Variants in LMBRD2 observed in about 807,000 individuals in gnomAD.
LMBRD2 encodes LMBR1 domain containing 2.
Under a neutral mutation model 94.4 loss-of-function variants are expected in LMBRD2, and 55 were observed. The ratio of observed to expected loss-of-function variants is 0.58; its 90% CI spans 0.47 to 0.73. The LOEUF (loss-of-function observed/expected upper bound fraction) is 0.73. Among genes scored for constraint, LMBRD2 ranks in the 30% least tolerant of loss-of-function variants. LMBRD2 has a pLI of 0.00. For synonymous variants in LMBRD2, 246 were observed against 272.4 expected, an observed-to-expected ratio of 0.90 and a Z score of 0.95; for missense variants, 640 against 831.9, an observed-to-expected ratio of 0.77 and a Z score of 2.84.
intron 16 of LMBRD2, among the ~76,000 whole-genome samples, chr5:36,106,701 C>T (rs969796649): frequency 6.6e-6 from 1 of 151,356 alleles, no homozygotes; most frequent in Non-Finnish European, 1.5e-5. Flanking sequence ...GTAGAGATGG[C>T]GTTTCACCAT....
At chr5:36,146,557 T>G (rs958785741) in intron 1 of LMBRD2, among the ~76,000 whole-genome samples, 2 of 152,062 alleles carry the variant, frequency 1.3e-5, no homozygotes, top group Non-Finnish European at 2.9e-5. Context: ...AAATTTTTTT[T>G]GTAGAGACAG....
chr5:36,135,508 G>A (rs915828610), intron 6 of LMBRD2, among the ~76,000 whole-genome samples: 13 of 152,098 alleles, frequency 8.5e-5, no homozygotes, highest in African/African-American at 3.1e-4. Flanking sequence ...TAGAGGCTTG[G>A]GATACAGCTG....
In LMBRD2 at chr5:36,122,847, C is replaced by G; in HGVS notation, c.936+1G>C. 1 of 1,590,270 alleles carries G rather than the reference C, an allele frequency of 6.3e-7. No homozygotes were observed. The highest frequency in any genetic ancestry group is 8.5e-7 in the Non-Finnish European group (1 of 1,172,912). On this transcript the variant is annotated splice_donor_variant, in intron 8 of 17. Coordinates refer to ENST00000296603, the MANE Select transcript of LMBRD2 (RefSeq NM_001007527.2). LOFTEE classifies it high-confidence loss of function. ...AAAATACTTATAATTAACAAAGTTA[C>G]CTGTTTATGCAGTTTTACCAGACTT...
At chr5:36,127,135 G>T (rs1208888417) in intron 6 of LMBRD2, among the ~76,000 whole-genome samples, 1 of 152,210 alleles carries the variant, frequency 6.6e-6, no homozygotes. Flanking sequence ...AGTAGAATAG[G>T]AATTTCTATT....
chr5:36,115,580 A>C (rs1402319937), intron 11 of LMBRD2, among the ~76,000 whole-genome samples: 1 of 152,200 alleles, frequency 6.6e-6, no homozygotes, highest in Non-Finnish European at 1.5e-5. Flanking sequence ...AATGCCTTAC[A>C]AACCCACACA....
At chr5:36,145,203 A>T (rs1458390226) in intron 1 of LMBRD2, among the ~76,000 whole-genome samples, 1 of 152,244 alleles carries the variant, frequency 6.6e-6, no homozygotes, top group Admixed American at 6.5e-5. Context: ...AATACTGTGT[A>T]GTTTAGTACA....
intron 6 of LMBRD2, among the ~76,000 whole-genome samples, chr5:36,126,998 C>G (rs989495847): frequency 6.6e-6 from 1 of 152,210 alleles, no homozygotes; most frequent in African/African-American, 2.4e-5. Context: ...AAGGCCCAGG[C>G]CATACTTCAT....
intron 9 of LMBRD2, among the ~76,000 whole-genome samples, chr5:36,120,061 T>C (rs914812027): frequency 6.9e-6 from 1 of 144,578 alleles, no homozygotes; most frequent in African/African-American, 2.6e-5. Flanking sequence ...CTCTCTCTCT[T>C]TATTTCTTTT....
In LMBRD2 at chr5:36,106,965, C is replaced by G. The variant is rs193052568; in HGVS notation, c.1897+1569G>C. Among the ~76,000 whole-genome samples the G allele has an allele frequency of 2.9e-3, 444 of 152,218 alleles. 2 individuals carry two copies. The highest frequency in any genetic ancestry group is 6.8e-3 in the Middle Eastern group (2 of 294). ...TAGTCTCCCTTCTAATTAAAATACC[C>G]TTCACCTGGCTAGGTACTATTCCTT... On this transcript the variant is annotated intron_variant, in intron 16 of 17. Coordinates refer to ENST00000296603, the MANE Select transcript of LMBRD2 (RefSeq NM_001007527.2).
intron 6 of LMBRD2, among the ~76,000 whole-genome samples, chr5:36,134,835 G>C (rs1413576490): frequency 6.6e-6 from 1 of 152,120 alleles, no homozygotes; most frequent in Non-Finnish European, 1.5e-5. Flanking sequence ...CTTCCCTGAA[G>C]AATTATCATT....
rs1743304206 is a variant in LMBRD2 at position 36,099,472 on chromosome 5, C to T, written c.*4574G>A. On this transcript the variant is annotated 3_prime_UTR_variant, in exon 18 of 18. Coordinates refer to ENST00000296603, the MANE Select transcript of LMBRD2 (RefSeq NM_001007527.2). ...TTTAAAAAATATATACACAGTCTCTCCCCTACAACTTGGTATGCTAAGTAC... is the reference window on the plus strand; with the variant it reads ...TTTAAAAAATATATACACAGTCTCTTCCCTACAACTTGGTATGCTAAGTAC... 1 of 152,104 alleles carries T rather than the reference C, an allele frequency of 6.6e-6. No individual in the cohort carries two copies. Among genetic ancestry groups the T allele is most frequent in the Non-Finnish European group, 1.5e-5 (1 of 67,992 alleles). The allele number at this position is 152,104 out of a possible 1,614,324, so 9.4% of individuals were successfully genotyped here.
chr5:36,133,178 A>G (rs1744193337), intron 6 of LMBRD2, among the ~76,000 whole-genome samples: 1 of 152,176 alleles, frequency 6.6e-6, no homozygotes, highest in African/African-American at 2.4e-5. Context: ...GAATGGATAA[A>G]GAAAATGTGG....
At position 36,110,043 on chromosome 5, in the gene LMBRD2, A is replaced by C. The variant is rs375264384; in HGVS notation, c.1745-52T>G. ...ATGGCATAACATGGTTTAATCAGAC[A>C]TAGTGCAACTGAAGTAAAGATAGCG... On this transcript the variant is annotated intron_variant, in intron 14 of 17. Transcript: ENST00000296603. The C allele has an allele frequency of 2.2e-4, 294 of 1,337,604 alleles. No individual in the cohort carries two copies. The African/African-American group carries it at 3.9e-3, about 18-fold the overall frequency. 82.9% of individuals were successfully genotyped at this position (1,337,604 alleles called of 1,614,324 possible).
intron 8 of LMBRD2, 89 bp downstream of exon 8, chr5:36,122,759 T>G (rs1743916725): frequency 7.0e-6 from 10 of 1,432,526 alleles, no homozygotes; most frequent in Admixed American, 2.8e-5. Context: ...TAAATACACA[T>G]TCACTAAAAA....
Position 36,117,790 on chromosome 5 carries a change from A to G in LMBRD2, c.1247T>C (p.Leu416Pro), listed in dbSNP as rs776764769. 1 of 1,613,700 alleles carries G rather than the reference A, an allele frequency of 6.2e-7. No individual in the cohort carries two copies. The highest frequency in any genetic ancestry group is 1.7e-5 in the Admixed American group (1 of 59,946). Residue 416 changes from leucine (L) to proline (P), a missense_variant, in exon 10 of 18, where the codon CTC becomes CCC. Transcript: ENST00000296603. ...TGCCAGCTGTATGAAGACCGCAAAG[A>G]GGGATAAGACAGGAGTAGTGCTAAA... ...TFFSTTPVLS[L>P]FAVFIQLAEK...
chr5:36,109,102 A>G (rs931808940), intron 15 of LMBRD2, among the ~76,000 whole-genome samples: 9 of 152,160 alleles, frequency 5.9e-5, no homozygotes, highest in African/African-American at 2.2e-4. Flanking sequence ...ATGCAGTCAA[A>G]CCATATTAAC....
rs963140042 is a variant in LMBRD2 at position 36,098,508 on chromosome 5, C to T, written c.*5538G>A. The T allele has an allele frequency of 1.3e-5, 2 of 151,854 alleles. No homozygotes were observed. The highest frequency in any genetic ancestry group is 2.4e-5 in the African/African-American group (1 of 41,376). 9.4% of individuals were successfully genotyped at this position (151,854 alleles called of 1,614,324 possible). A position where few individuals can be genotyped will look rare whatever the true frequency, so the allele number is the denominator to read the frequency against. ...AACGCCTGAATCTACTTAAAAGAAC[C>T]TTAATCTCAAATGAAGTAAAATATA... On this transcript the variant is annotated 3_prime_UTR_variant, in exon 18 of 18. Transcript: ENST00000296603.
rs377639364 is a variant in LMBRD2, at chr5:36,122,889, T to A, written c.895A>T (p.Ile299Phe). The A allele has an allele frequency of 1.9e-6, 3 of 1,591,824 alleles. No homozygotes were observed. In the South Asian group the frequency reaches 3.5e-5, roughly 18 times the overall value. The change falls in exon 8 of 18, where the codon ATC (isoleucine) becomes TTC (phenylalanine). Residue 299 changes from isoleucine (I) to phenylalanine (F), a missense_variant. This residue lies in a region of LMBRD2 where 457 missense variants were observed against 642.8 expected (regional missense o/e 0.71). Coordinates refer to ENST00000296603, the MANE Select transcript of LMBRD2 (RefSeq NM_001007527.2). The stretch of plus-strand genomic sequence containing the variant: ...ACCAGACTTTTTTCACTTGGATAGA[T>A]ACTATGCTTTTCATCAAAATCTTCA... ...DYEDFDEKHS[I>F]YPSEKSLVKL... is the part of the protein sequence containing the mutation.
intron 6 of LMBRD2, among the ~76,000 whole-genome samples, chr5:36,126,765 A>T (rs374255281): frequency 1.2e-4 from 18 of 152,352 alleles, no homozygotes; most frequent in Middle Eastern, 6.8e-3. Flanking sequence ...AGTTTTTATA[A>T]AACTACATTT....
Sources: allele counts gnomAD v4.1 joint callset (sites outside exome capture counted in the v4.1 genomes callset), GRCh38; gene constraint gnomAD v4.1.1; regional missense constraint gnomAD v4.1.1; transcripts MANE v1.5; gene names NCBI Gene and HGNC (gene_info 2026-07-23, HGNC 2026-07-21).